The following LAMC3 variants were observed in gnomAD, a reference collection of about 807,000 sequenced individuals.
The protein encoded by LAMC3 is laminin subunit gamma 3.
In LAMC3, 128 loss-of-function variants were observed where a neutral mutation model predicts 173.8. The observed-to-expected ratio is 0.74, with a 90% confidence interval of 0.64 to 0.85. The LOEUF is 0.85. Among genes scored for constraint, LAMC3 ranks in the 40% least tolerant of loss-of-function variants. LAMC3 has a pLI of 0.00. For synonymous variants in LAMC3, 897 were observed against 909.1 expected (o/e 0.99, Z 0.24); for missense variants, 2,022 against 2,156.0 (o/e 0.94, Z 1.23).
rs1280418271 is a variant in LAMC3, at chr9:131,072,812, G to T, written c.3394G>T (p.Ala1132Ser). The change falls in exon 19 of 28, where the codon GCA becomes TCA. Residue 1132 changes from alanine to serine, a missense_variant. Physicochemically the swap from Ala to Ser is moderately conservative, Grantham distance 99. Coordinates refer to ENST00000361069, the MANE Select transcript of LAMC3 (RefSeq NM_006059.4). ...LESSEEEILH[A>S]AAILASLEIP... ...GTCCTCGGAAGAGGAGATTCTGCATGCAGCTGCCATTCTCGCGTCTCTGGT... is the reference window on the plus strand; with the variant it reads ...GTCCTCGGAAGAGGAGATTCTGCATTCAGCTGCCATTCTCGCGTCTCTGGT... 2 of 1,612,316 alleles carry T rather than the reference G, an allele frequency of 1.2e-6. No individual in the cohort carries two copies. The highest frequency in any genetic ancestry group is 1.7e-5 in the Admixed American group (1 of 59,764).
At chr9:131,077,104 A>C (rs1830141534) in intron 21 of LAMC3, 83 bp from the exon 22 acceptor site, 1 of 1,589,762 alleles carries the variant, frequency 6.3e-7, no homozygotes, top group African/African-American at 1.3e-5. Flanking sequence ...GCCTTTGCAA[A>C]CCAGTGGCTC....
intron 1 of LAMC3, chr9:131,021,306 T>A (rs1362774783): frequency 1.3e-5 from 2 of 152,214 alleles, no homozygotes; most frequent in African/African-American, 4.8e-5. Flanking sequence ...AATAGATGCA[T>A]TGTTTTTAGT....
chr9:131,032,495 T>TCTCTCTCACTCGCTCTCTCTCTCTTG (rs1833845602), intron 3 of LAMC3, among the ~76,000 whole-genome samples: 1 of 131,414 alleles, frequency 7.6e-6, no homozygotes, highest in Non-Finnish European at 1.8e-5. Context: ...TCGCTCTCGC[T>TCTCTCTCACTCGCTCTCTCTCTCTTG]CTCTCTCACT....
chr9:131,032,241 T>C (rs1564368089), intron 3 of LAMC3, 66 bp downstream of exon 3: 3 of 311,276 alleles, frequency 9.6e-6, no homozygotes, highest in Non-Finnish European at 2.0e-5. Flanking sequence ...GGAAGGTGGC[T>C]GCTGTGGGGT....
intron 8 of LAMC3, among the ~76,000 whole-genome samples, chr9:131,046,922 C>T (rs1349412673): frequency 6.6e-6 from 1 of 152,058 alleles, no homozygotes; most frequent in Non-Finnish European, 1.5e-5. Flanking sequence ...TGCTGGAAGC[C>T]GCGCAGAAAG....
chr9:131,067,281 G>A, intron 14 of LAMC3, 76 bp downstream of exon 14: 1 of 1,589,544 alleles, frequency 6.3e-7, no homozygotes, highest in South Asian at 1.1e-5. Context: ...GGGCCCAGAA[G>A]GGGTGGCTGA....
At chr9:131,066,865 G>T in intron 13 of LAMC3, 95 bp from the exon 14 acceptor site, 1 of 1,519,768 alleles carries the variant, frequency 6.6e-7, no homozygotes, top group South Asian at 1.2e-5. Flanking sequence ...CTGCTCCGGG[G>T]AAGGTGGAGG....
At chr9:131,010,117 G>A (rs1400134547) in intron 1 of LAMC3, among the ~76,000 whole-genome samples, 3 of 131,878 alleles carry the variant, frequency 2.3e-5, no homozygotes, top group African/African-American at 3.0e-5. Flanking sequence ...TCGCACCACC[G>A]TTCTCCAGCC....
Position 131,009,406 on chromosome 9 carries a change from C to G in LAMC3, c.192C>G (p.His64Gln). ...CGSPPEDFCP[H>Q]VGAAGAGAHC... ...GCCCGCCCGAGGACTTCTGTCCCCA[C>G]GTGGGCGCCGCGGGCGCGGGGGCTC... is the stretch of plus-strand genomic sequence containing the variant. Residue 64 changes from histidine (H) to glutamine (Q), a missense_variant, in exon 1 of 28, where the codon CAC becomes CAG. Transcript: ENST00000361069. This position sits in a 1 kb window ranked among gnomAD's most constrained non-coding sequence, Gnocchi z 4.3. The G allele has an allele frequency of 6.5e-7, 1 of 1,539,858 alleles. No homozygotes were observed. Among genetic ancestry groups the G allele is most frequent in the Non-Finnish European group, 8.7e-7 (1 of 1,144,992 alleles).
rs1436435891 is a variant in LAMC3 at position 131,054,751 on chromosome 9, A to G, written c.1939+1786A>G. Among the ~76,000 whole-genome samples, 3 of 151,518 alleles carry G rather than the reference A, an allele frequency of 2.0e-5. No individual in the cohort carries two copies. In the East Asian group the frequency reaches 5.8e-4, roughly 29 times the overall value. On this transcript the variant is annotated intron_variant, in intron 11 of 27. Coordinates refer to ENST00000361069, the MANE Select transcript of LAMC3 (RefSeq NM_006059.4). ...CAGAGCCAGACCTTGTCTCAAAGAA[A>G]GAAAGAAAAAGAAAGAGAGAGGGGA... is the stretch of plus-strand genomic sequence containing the variant.
chr9:131,072,011 A>C (rs1189195053), intron 18 of LAMC3, among the ~76,000 whole-genome samples: 1 of 152,084 alleles, frequency 6.6e-6, no homozygotes, highest in Non-Finnish European at 1.5e-5. Flanking sequence ...CAAAAGAAGG[A>C]GGGCCAGGTG....
rs747487283 is a variant in LAMC3 at position 131,056,897 on chromosome 9, C to A, written c.1940-32C>A. On this transcript the variant is annotated intron_variant, in intron 11 of 27. Transcript: ENST00000361069. ...AAGCATGTGCAGGGAGCTTGTGCCT[C>A]CTCTCTTCCTCTCTCCCTTCTCGCT... is the stretch of plus-strand genomic sequence containing the variant. 12 of 1,572,212 alleles carry A rather than the reference C, an allele frequency of 7.6e-6. No individual in the cohort carries two copies. The South Asian group carries it at 1.1e-4, about 15-fold the overall frequency.
chr9:131,032,570 C>T (rs1463922092), intron 3 of LAMC3, among the ~76,000 whole-genome samples: 2 of 128,944 alleles, frequency 1.6e-5, no homozygotes, highest in East Asian at 4.1e-4. Flanking sequence ...CTCTCTCTTG[C>T]TCTCTCTCGC....
rs143410330 is a variant in LAMC3 at position 131,077,300 on chromosome 9, C to T, written c.3743C>T (p.Pro1248Leu). The T allele has an allele frequency of 1.1e-4, 181 of 1,614,018 alleles. No homozygotes were observed. The highest frequency in any genetic ancestry group is 9.8e-4 in the East Asian group (44 of 44,876). The part of the protein sequence containing the change: ...TVQQVGADTA[P>L]YLALLASPGA... ...CAGCAAGTTGGCGCAGATACAGCCC[C>T]GTACCTGGCCTTGCTGGCTTCCCCG... Residue 1248 changes from proline (P) to leucine (L), a missense_variant, in exon 22 of 28, where the codon CCG becomes CTG. Transcript: ENST00000361069.
In LAMC3 at chr9:131,050,540, G is replaced by T. The variant is rs904598625; in HGVS notation, c.1630+1410G>T. The stretch of plus-strand genomic sequence containing the variant: ...GCACTTTGGGAGGCTGAGGTTGGGG[G>T]GGATCTTCTGAGGTCAGGAGTTCAA... On this transcript the variant is annotated intron_variant, in intron 9 of 27. Coordinates refer to ENST00000361069, the MANE Select transcript of LAMC3 (RefSeq NM_006059.4). Among the ~76,000 whole-genome samples the T allele has an allele frequency of 1.2e-4, 18 of 152,228 alleles. 1 individual carries two copies. The highest frequency in any genetic ancestry group is 3.9e-4 in the African/African-American group (16 of 41,548).
rs1833725203 is a variant in LAMC3 at position 131,026,728 on chromosome 9, G to A, written c.678+139G>A. The A allele has an allele frequency of 1.4e-6, 2 of 1,387,454 alleles. No homozygotes were observed. Among genetic ancestry groups the A allele is most frequent in the South Asian group, 1.6e-5 (1 of 64,370 alleles). 85.9% of individuals were successfully genotyped at this position (1,387,454 alleles called of 1,614,324 possible). A position where few individuals can be genotyped will look rare whatever the true frequency, so the allele number is the denominator to read the frequency against. ...TTTTCTTTTTCTTCTTTTATTTTTG[G>A]AGACTGAGTCTTGCTCTGTCGCCCA... is the stretch of plus-strand genomic sequence containing the variant. On this transcript the variant is annotated intron_variant, in intron 2 of 27. Transcript: ENST00000361069. The surrounding 1 kb of genome is among the most constrained non-coding windows in gnomAD (Gnocchi z 4.8).
At chr9:131,090,264 CT>C (rs1449932786) in intron 27 of LAMC3, among the ~76,000 whole-genome samples, 1 of 152,270 alleles carries the variant, frequency 6.6e-6, no homozygotes, top group East Asian at 1.9e-4. Flanking sequence ...TGCATTGTCA[CT>C]GTCATTCATT....
Position 131,077,350 on chromosome 9 carries a change from T to G in LAMC3, c.3777+16T>G, listed in dbSNP as rs546454082. ...GGGAGCTCTGGTCAGCTCAGTTGTC[T>G]CAGAGCTCCGTGTGGGGTCGGGAGG... On this transcript the variant is annotated intron_variant, in intron 22 of 27. Coordinates refer to ENST00000361069, the MANE Select transcript of LAMC3 (RefSeq NM_006059.4). 47 of 1,613,232 alleles carry G rather than the reference T, an allele frequency of 2.9e-5. No individual in the cohort carries two copies. The highest frequency in any genetic ancestry group is 3.3e-4 in the Middle Eastern group (2 of 6,062).
Position 131,026,046 on chromosome 9 carries a change from G to A in LAMC3, c.374-239G>A, listed in dbSNP as rs1361755413. Among the ~76,000 whole-genome samples the A allele has an allele frequency of 6.6e-6, 1 of 152,194 alleles. No individual in the cohort carries two copies. The highest frequency in any genetic ancestry group is 1.5e-5 in the Non-Finnish European group (1 of 68,030). On this transcript the variant is annotated intron_variant, in intron 1 of 27. Coordinates refer to ENST00000361069, the MANE Select transcript of LAMC3 (RefSeq NM_006059.4). The surrounding 1 kb of genome is among the most constrained non-coding windows in gnomAD (Gnocchi z 4.8). Reference sequence around the variant, plus strand: ...GTGTTGCAACGGAGATTCCTGTGCAGGGTGGCGAGTTGACCCAGAAGAGGG... The same window carrying A: ...GTGTTGCAACGGAGATTCCTGTGCAAGGTGGCGAGTTGACCCAGAAGAGGG...
Sources: allele counts gnomAD v4.1 joint callset (sites outside exome capture counted in the v4.1 genomes callset), GRCh38; gene constraint gnomAD v4.1.1; non-coding constraint Gnocchi (gnomAD v3.1); transcripts MANE v1.5; gene names NCBI Gene and HGNC (gene_info 2026-07-23, HGNC 2026-07-21).